SCLT1: variants seen among roughly 807,000 people sequenced by gnomAD.
SCLT1 encodes sodium channel and clathrin linker 1.
A neutral mutation model predicts 112.8 loss-of-function variants in SCLT1; 78 were observed. The ratio of observed to expected loss-of-function variants is 0.69; its 90% CI spans 0.58 to 0.83. The LOEUF (loss-of-function observed/expected upper bound fraction) is 0.83. SCLT1 is among the 40% of genes least tolerant of loss of function. SCLT1 has a pLI of 0.00. For missense variants in SCLT1, 747 were observed against 770.4 expected (o/e 0.97, Z 0.36); for synonymous variants, 257 against 254.7 (o/e 1.01, Z -0.09).
At chr4:129,087,485 G>GAA (rs532075122) in intron 1 of SCLT1, among the ~76,000 whole-genome samples, 1 of 144,654 alleles carries the variant, frequency 6.9e-6, no homozygotes. Context: ...TATTGGGAAG[G>GAA]AAAAAAAAAA....
intron 9 of SCLT1, among the ~76,000 whole-genome samples, chr4:128,986,610 T>C (rs1232733759): frequency 1.3e-5 from 2 of 152,120 alleles, no homozygotes; most frequent in Admixed American, 1.3e-4. Flanking sequence ...GTCTTGCAAC[T>C]TGAGGACGAG....
intron 14 of SCLT1, 163 bp downstream of exon 14, chr4:128,952,606 G>A: frequency 3.2e-6 from 2 of 621,074 alleles, no homozygotes; most frequent in South Asian, 3.8e-5. Context: ...TAAGCCACAA[G>A]GCTGCTGCAA....
chr4:128,887,727 A>T (rs1276961538), intron 20 of SCLT1, among the ~76,000 whole-genome samples: 1 of 152,158 alleles, frequency 6.6e-6, no homozygotes, highest in Non-Finnish European at 1.5e-5. Context: ...ATTAAGAGAA[A>T]TTATCCCTTA....
intron 18 of SCLT1, among the ~76,000 whole-genome samples, chr4:128,921,098 A>T (rs1735846173): frequency 6.6e-6 from 1 of 152,172 alleles, no homozygotes; most frequent in South Asian, 2.1e-4. Flanking sequence ...CTAACCAGGG[A>T]GGGGAAAGAT....
intron 5 of SCLT1, among the ~76,000 whole-genome samples, chr4:129,005,315 G>C (rs1266382214): frequency 6.6e-6 from 1 of 152,060 alleles, no homozygotes; most frequent in Non-Finnish European, 1.5e-5. Context: ...TGAAAAAATA[G>C]TAAAATTAAT....
intron 2 of SCLT1, among the ~76,000 whole-genome samples, chr4:129,048,824 T>G (rs1275187466): frequency 6.6e-6 from 1 of 151,798 alleles, no homozygotes; most frequent in Admixed American, 6.6e-5. Context: ...GCAAAGGATA[T>G]GAACAGACAC....
intron 3 of SCLT1, among the ~76,000 whole-genome samples, chr4:128,877,364 G>A (rs1732545575): frequency 2.0e-5 from 3 of 152,116 alleles, no homozygotes; most frequent in Admixed American, 1.3e-4. Flanking sequence ...CCCGTAGGCT[G>A]TACTGCCTCT....
At chr4:129,050,745 T>C (rs76231523) in intron 2 of SCLT1, among the ~76,000 whole-genome samples, 41,794 of 152,122 alleles carry the variant, frequency 0.27, 6,035 homozygotes, top group South Asian at 0.35. Flanking sequence ...TTGGATCCCA[T>C]TTGTCAATTT....
At chr4:129,003,647 TTA>T in intron 6 of SCLT1, 92 bp downstream of exon 6, 1 of 1,006,982 alleles carries the variant, frequency 9.9e-7, no homozygotes, top group Non-Finnish European at 1.4e-6. Context: ...TGTTACAATT[TTA>T]TTATTTTGTT....
At chr4:129,003,680 A>G in intron 6 of SCLT1, 61 bp downstream of exon 6, 2 of 1,267,918 alleles carry the variant, frequency 1.6e-6, no homozygotes, top group South Asian at 2.7e-5. Context: ...AATGATTAAC[A>G]TGAATTTTTA....
At chr4:128,960,926 C>CA (rs34599122) in intron 11 of SCLT1, among the ~76,000 whole-genome samples, 1,203 of 52,310 alleles carry the variant, frequency 0.023, 105 homozygotes, top group African/African-American at 0.073. Flanking sequence ...GACTCCGTCT[C>CA]AAAAAAAAAA....
intron 5 of SCLT1, among the ~76,000 whole-genome samples, chr4:129,033,637 C>T (rs1483135131): frequency 6.6e-6 from 1 of 151,614 alleles, no homozygotes; most frequent in Non-Finnish European, 1.5e-5. Context: ...TCAGGAATGC[C>T]TCCTTGATAA....
Position 129,066,091 on chromosome 4 carries a change from G to A in SCLT1, c.102+16215C>T, listed in dbSNP as rs150813895. 5.3e-3 allele frequency among the ~76,000 whole-genome samples: 812 copies of A among 152,100 alleles called. 7 individuals carry two copies. Among genetic ancestry groups the A allele is most frequent in the African/African-American group, 0.018 (767 of 41,528 alleles). On this transcript the variant is annotated intron_variant, in intron 2 of 20. Coordinates refer to ENST00000281142, the MANE Select transcript of SCLT1 (RefSeq NM_144643.4). ...AGACTGAATAAAGACTTAAATGTGA[G>A]AGGCTCATATATGCTAGTGAGGAAC... is the stretch of plus-strand genomic sequence containing the variant.
At chr4:128,960,642 C>A (rs1165168766) in intron 11 of SCLT1, among the ~76,000 whole-genome samples, 1 of 151,980 alleles carries the variant, frequency 6.6e-6, no homozygotes, top group South Asian at 2.1e-4. Context: ...TAAATTAGGC[C>A]GGGCGCGGTG....
chr4:128,884,907 A>C (rs984991917), intron 20 of SCLT1, among the ~76,000 whole-genome samples: 4 of 152,236 alleles, frequency 2.6e-5, no homozygotes, highest in African/African-American at 7.2e-5. Flanking sequence ...TTGGTCTCAA[A>C]GTACTGGGAT....
intron 2 of SCLT1, among the ~76,000 whole-genome samples, chr4:129,053,372 TTG>T (rs1266780083): frequency 6.6e-6 from 1 of 151,998 alleles, no homozygotes. Context: ...GTAAGTCTCT[TTG>T]TAAGTCTCTA....
chr4:129,025,457 T>A (rs1274178423), intron 5 of SCLT1, among the ~76,000 whole-genome samples: 11 of 152,222 alleles, frequency 7.2e-5, no homozygotes, highest in Non-Finnish European at 1.6e-4. Flanking sequence ...CTAAGCTTCA[T>A]AAGTGAAGGA....
chr4:129,003,696 G>GCA, intron 6 of SCLT1, 45 bp downstream of exon 6: 1 of 1,395,752 alleles, frequency 7.2e-7, no homozygotes, highest in Non-Finnish European at 9.9e-7. Context: ...TTTTAAAAAG[G>GCA]TATGTTAATT....
intron 18 of SCLT1, among the ~76,000 whole-genome samples, chr4:128,900,497 C>T (rs1231676155): frequency 1.3e-5 from 2 of 152,086 alleles, no homozygotes; most frequent in African/African-American, 4.8e-5. Context: ...AAACTGGATC[C>T]CTTCCTTACA....
Sources: gnomAD v4.1 joint callset for allele counts (sites outside exome capture counted in the v4.1 genomes callset) on GRCh38, gnomAD v4.1.1 for gene constraint, MANE v1.5 for transcripts, NCBI Gene and HGNC (gene_info 2026-07-23, HGNC 2026-07-21) for gene names.